The following FAM241A variants were observed in gnomAD, a reference collection of about 807,000 sequenced individuals.
The protein encoded by FAM241A is uncharacterized protein FAM241A.
Under a neutral mutation model 12.2 loss-of-function variants are expected in FAM241A, and 7 were observed. That is an observed-to-expected ratio of 0.58 (90% CI 0.33 to 1.08). FAM241A has a LOEUF of 1.08. Ranked by LOEUF, FAM241A falls within the 50% of genes least tolerant of loss-of-function variation. FAM241A has a pLI of 0.04. For missense variants in FAM241A, 161 were observed against 169.7 expected, an observed-to-expected ratio of 0.95 and a Z score of 0.29; for synonymous variants, 74 against 68.2, an observed-to-expected ratio of 1.08 and a Z score of -0.42.
chr4:112,149,045 G>A (rs1213336667), intron 1 of FAM241A, among the ~76,000 whole-genome samples: 1 of 151,864 alleles, frequency 6.6e-6, no homozygotes, highest in East Asian at 1.9e-4. Context: ...ACTATAGAAA[G>A]ATCTAAAGAA....
chr4:112,155,331 A>G (rs998208908), intron 1 of FAM241A, among the ~76,000 whole-genome samples: 1 of 152,114 alleles, frequency 6.6e-6, no homozygotes, highest in Non-Finnish European at 1.5e-5. Context: ...ATGAATGCAA[A>G]TTTTGGTATT....
At chr4:112,186,051 G>A (rs997242155) in intron 1 of FAM241A, among the ~76,000 whole-genome samples, 12 of 152,120 alleles carry the variant, frequency 7.9e-5, no homozygotes, top group South Asian at 4.1e-4. Context: ...TATAATACAA[G>A]TGGAAGATAA....
At chr4:112,175,330 A>G (rs1445051501) in intron 1 of FAM241A, among the ~76,000 whole-genome samples, 2 of 152,170 alleles carry the variant, frequency 1.3e-5, no homozygotes, top group African/African-American at 4.8e-5. Context: ...CTCACCAGCT[A>G]TCTAACTACA....
At position 112,194,602 on chromosome 4, in the gene FAM241A, A is replaced by G. The variant is rs1017019640; in HGVS notation, c.*7664A>G. ...AAAGGCCTTTTCTGCATCTATTGAG[A>G]TAATCATGTGGTTTTTGTCTTTGGT... On this transcript the variant is annotated 3_prime_UTR_variant, in exon 2 of 2. Coordinates refer to ENST00000309733, the MANE Select transcript of FAM241A (RefSeq NM_152400.3). The G allele has an allele frequency of 6.6e-6, 1 of 152,110 alleles. No homozygotes were observed. Among genetic ancestry groups the G allele is most frequent in the Non-Finnish European group, 1.5e-5 (1 of 68,030 alleles). 9.4% of individuals were successfully genotyped at this position (152,110 alleles called of 1,614,324 possible).
At chr4:112,147,827 T>C (rs1485546320) in intron 1 of FAM241A, among the ~76,000 whole-genome samples, 1 of 152,100 alleles carries the variant, frequency 6.6e-6, no homozygotes, top group African/African-American at 2.4e-5. Context: ...AACAATGATA[T>C]AAACAGGAAC....
intron 1 of FAM241A, among the ~76,000 whole-genome samples, chr4:112,166,495 G>A (rs1396139573): frequency 6.6e-6 from 1 of 152,058 alleles, no homozygotes; most frequent in Admixed American, 6.6e-5. Context: ...GATGTGAAGG[G>A]GTGAGGTTGA....
In FAM241A at chr4:112,194,960, G is replaced by C. The variant is rs1359885341; in HGVS notation, c.*8022G>C. 6.6e-6 allele frequency: 1 copy of C among 152,220 alleles called. No homozygotes were observed. Among genetic ancestry groups the C allele is most frequent in the Non-Finnish European group, 1.5e-5 (1 of 68,128 alleles). The allele number at this position is 152,220 out of a possible 1,614,324, so 9.4% of individuals were successfully genotyped here. On this transcript the variant is annotated 3_prime_UTR_variant, in exon 2 of 2. Transcript: ENST00000309733. ...CCTGTATTTTTGTATTTTTAGTAGA[G>C]ACGGGGTTTCACCATGTTGGCCAGG...
Position 112,194,261 on chromosome 4 carries a change from G to T in FAM241A, c.*7323G>T, listed in dbSNP as rs1344726243. On this transcript the variant is annotated 3_prime_UTR_variant, in exon 2 of 2. Coordinates refer to ENST00000309733, the MANE Select transcript of FAM241A (RefSeq NM_152400.3). ...AGGAGATTTTGGGCTGAGACAATGG[G>T]GTTTTCTAGATATACAATCATGTCA... 1.3e-5 allele frequency: 2 copies of T among 150,560 alleles called. No individual in the cohort carries two copies. Among genetic ancestry groups the T allele is most frequent in the Non-Finnish European group, 3.0e-5 (2 of 67,534 alleles). 9.3% of individuals were successfully genotyped at this position (150,560 alleles called of 1,614,324 possible). A position where few individuals can be genotyped will look rare whatever the true frequency, so the allele number is the denominator to read the frequency against.
In FAM241A at chr4:112,192,206, A is replaced by C. The variant is rs184373388; in HGVS notation, c.*5268A>C. The C allele has an allele frequency of 1.6e-4, 24 of 152,312 alleles. No individual in the cohort carries two copies. In the East Asian group the frequency reaches 4.4e-3, roughly 28 times the overall value. 9.4% of individuals were successfully genotyped at this position (152,312 alleles called of 1,614,324 possible). A position where few individuals can be genotyped will look rare whatever the true frequency, so the allele number is the denominator to read the frequency against. ...TATTTTAGGAGAAAATGTATTTTCA[A>C]TGTTTGGTTGATTCACTATTTTTCC... On this transcript the variant is annotated 3_prime_UTR_variant, in exon 2 of 2. Transcript: ENST00000309733.
rs1344729238 is a variant in FAM241A at position 112,189,341 on chromosome 4, A to G, written c.*2403A>G. On this transcript the variant is annotated 3_prime_UTR_variant, in exon 2 of 2. Transcript: ENST00000309733. Reference sequence around the variant, plus strand: ...CAGAGCTTGCAGTGAGCACTCCAGCACTCTGGGTAACAGAGTGAGACCCCA... The same window carrying G: ...CAGAGCTTGCAGTGAGCACTCCAGCGCTCTGGGTAACAGAGTGAGACCCCA... 7.3e-6 allele frequency: 1 copy of G among 137,928 alleles called. No homozygotes were observed. 8.5% of individuals were successfully genotyped at this position (137,928 alleles called of 1,614,324 possible).
At chr4:112,175,503 C>T (rs1056067868) in intron 1 of FAM241A, among the ~76,000 whole-genome samples, 1 of 152,112 alleles carries the variant, frequency 6.6e-6, no homozygotes, top group African/African-American at 2.4e-5. Context: ...TGTGGTGGCT[C>T]ACACCGGTAC....
intron 1 of FAM241A, among the ~76,000 whole-genome samples, chr4:112,165,715 A>C (rs1723581226): frequency 6.6e-6 from 1 of 152,130 alleles, no homozygotes; most frequent in Non-Finnish European, 1.5e-5. Context: ...AAATAATTGA[A>C]CTCATGAAGG....
At chr4:112,167,047 G>A (rs1185664615) in intron 1 of FAM241A, among the ~76,000 whole-genome samples, 1 of 127,964 alleles carries the variant, frequency 7.8e-6, no homozygotes, top group Non-Finnish European at 1.6e-5. Context: ...CCGGGAGGCG[G>A]AGCTTGCAGT....
intron 1 of FAM241A, among the ~76,000 whole-genome samples, chr4:112,155,270 A>G (rs1437947715): frequency 6.6e-6 from 1 of 151,988 alleles, no homozygotes; most frequent in African/African-American, 2.4e-5. Flanking sequence ...TGTGTCTGCA[A>G]TTATGACTTA....
At position 112,145,739 on chromosome 4, in the gene FAM241A, C is replaced by A. The variant is rs1302728648; in HGVS notation, c.153+6C>A. On this transcript the variant is annotated splice_donor_region_variant and intron_variant, in intron 1 of 1. Transcript: ENST00000309733. ...GGCCGAAGGAGAGCGAGCAGGTGAGCGCGGGGAGGGGCGGCGGCGAAGCGG... is the reference window on the plus strand; with the variant it reads ...GGCCGAAGGAGAGCGAGCAGGTGAGAGCGGGGAGGGGCGGCGGCGAAGCGG... 8.9e-7 allele frequency: 1 copy of A among 1,125,620 alleles called. No individual in the cohort carries two copies. 69.7% of individuals were successfully genotyped at this position (1,125,620 alleles called of 1,614,324 possible).
intron 1 of FAM241A, among the ~76,000 whole-genome samples, chr4:112,185,588 A>G (rs1357540788): frequency 6.6e-6 from 1 of 152,230 alleles, no homozygotes; most frequent in African/African-American, 2.4e-5. Flanking sequence ...GAAACTGAGA[A>G]GCTTCAAAAA....
intron 1 of FAM241A, among the ~76,000 whole-genome samples, chr4:112,185,427 ACT>A (rs1185067509): frequency 6.6e-6 from 1 of 152,044 alleles, no homozygotes; most frequent in Non-Finnish European, 1.5e-5. Flanking sequence ...TGAATCAGAA[ACT>A]CTAGTAGTAG....
At chr4:112,165,569 A>G (rs1723577047) in intron 1 of FAM241A, among the ~76,000 whole-genome samples, 1 of 152,234 alleles carries the variant, frequency 6.6e-6, no homozygotes, top group African/African-American at 2.4e-5. Flanking sequence ...AGTACTATTC[A>G]GCCGTTAAAA....
At chr4:112,165,732 G>A (rs1279076585) in intron 1 of FAM241A, among the ~76,000 whole-genome samples, 1 of 152,128 alleles carries the variant, frequency 6.6e-6, no homozygotes, top group Non-Finnish European at 1.5e-5. Flanking sequence ...AAGGTAGAGA[G>A]TAGAAGGATG....
Sources: allele counts gnomAD v4.1 joint callset (sites outside exome capture counted in the v4.1 genomes callset), GRCh38; gene constraint gnomAD v4.1.1; transcripts MANE v1.5; gene names NCBI Gene and HGNC (gene_info 2026-07-23, HGNC 2026-07-21).